Variants in GTF2F2 observed in about 807,000 individuals in gnomAD.
The protein encoded by GTF2F2 is general transcription factor IIF subunit 2.
A neutral mutation model predicts 42.2 loss-of-function variants in GTF2F2; 23 were observed. The ratio of observed to expected loss-of-function variants is 0.55; its 90% confidence interval spans 0.39 to 0.77. GTF2F2 has a LOEUF of 0.77. Ranked by LOEUF, GTF2F2 falls within the 30% of genes least tolerant of loss-of-function variation. The pLI is 0.00. For missense variants in GTF2F2, 261 were observed against 287.2 expected (o/e 0.91, Z 0.66); for synonymous variants, 105 against 100.8 (o/e 1.04, Z -0.25).
At chr13:45,125,046 A>T (rs1170939866) in intron 1 of GTF2F2, among the ~76,000 whole-genome samples, 1 of 152,246 alleles carries the variant, frequency 6.6e-6, no homozygotes, top group Non-Finnish European at 1.5e-5. Context: ...GTTATATACA[A>T]GGGAGAGATG....
chr13:45,283,223 A>G (rs547905155), intron 7 of GTF2F2, among the ~76,000 whole-genome samples: 4 of 151,788 alleles, frequency 2.6e-5, no homozygotes, highest in Non-Finnish European at 4.4e-5. Flanking sequence ...AGGACTTTCA[A>G]CTCCTTTAAT....
At position 45,186,041 on chromosome 13, in the gene GTF2F2, C is replaced by T. The variant is rs571195167; in HGVS notation, c.305-21383C>T. On this transcript the variant is annotated intron_variant, in intron 4 of 7. Coordinates refer to ENST00000340473, the MANE Select transcript of GTF2F2 (RefSeq NM_004128.3). ...CCAGGCTGGAGTGCAGTGGCACGATCTCGGCTCACTGCAACCTCTGCCTCC... is the reference window on the plus strand; with the variant it reads ...CCAGGCTGGAGTGCAGTGGCACGATTTCGGCTCACTGCAACCTCTGCCTCC... Among the ~76,000 whole-genome samples the T allele has an allele frequency of 1.6e-3, 243 of 151,964 alleles. 2 individuals carry two copies. The Middle Eastern group carries it at 0.017, about 11-fold the overall frequency.
chr13:45,270,394 A>T (rs909238766), intron 7 of GTF2F2, among the ~76,000 whole-genome samples: 2 of 152,206 alleles, frequency 1.3e-5, no homozygotes, highest in African/African-American at 4.8e-5. Flanking sequence ...TTTGTTTCTT[A>T]AAATTTTGGA....
At chr13:45,164,745 C>T (rs1871193058) in intron 4 of GTF2F2, among the ~76,000 whole-genome samples, 1 of 152,108 alleles carries the variant, frequency 6.6e-6, no homozygotes, top group Non-Finnish European at 1.5e-5. Context: ...AATAGTAGTT[C>T]CTTCTCCCTC....
rs181253389 is a variant in GTF2F2, at chr13:45,153,332, G to T, written c.304+1501G>T. Among the ~76,000 whole-genome samples the T allele has an allele frequency of 2.2e-3, 329 of 151,904 alleles. 1 individual carries two copies. The highest frequency in any genetic ancestry group is 7.7e-3 in the African/African-American group (318 of 41,448). Reference sequence around the variant, plus strand: ...CGGGCCCGGCCGAATTTTTTTTGTGGTATCTTAGATTACCAATAGCTACAT... The same window carrying T: ...CGGGCCCGGCCGAATTTTTTTTGTGTTATCTTAGATTACCAATAGCTACAT... On this transcript the variant is annotated intron_variant, in intron 4 of 7. Coordinates refer to ENST00000340473, the MANE Select transcript of GTF2F2 (RefSeq NM_004128.3).
chr13:45,250,209 C>G (rs1457595956), intron 5 of GTF2F2, among the ~76,000 whole-genome samples: 1 of 152,024 alleles, frequency 6.6e-6, no homozygotes, highest in Admixed American at 6.6e-5. Flanking sequence ...TATGCACTAC[C>G]ATGCCCAGTT....
chr13:45,259,810 A>G (rs565562594), intron 6 of GTF2F2, among the ~76,000 whole-genome samples: 1 of 152,104 alleles, frequency 6.6e-6, no homozygotes, highest in East Asian at 1.9e-4. Context: ...GGCGCCCGCC[A>G]CCACACCTGG....
chr13:45,196,104 G>A (rs1293764190), intron 4 of GTF2F2, among the ~76,000 whole-genome samples: 1 of 152,024 alleles, frequency 6.6e-6, no homozygotes, highest in Non-Finnish European at 1.5e-5. Flanking sequence ...TAGATTTTCA[G>A]GTATAAAAAA....
At chr13:45,244,518 G>GA (rs1182873978) in intron 5 of GTF2F2, among the ~76,000 whole-genome samples, 1 of 151,776 alleles carries the variant, frequency 6.6e-6, no homozygotes, top group Non-Finnish European at 1.5e-5. Flanking sequence ...TTTTTGATGG[G>GA]AAAAAATATG....
intron 5 of GTF2F2, among the ~76,000 whole-genome samples, chr13:45,220,274 C>G (rs1593498497): frequency 6.6e-6 from 1 of 152,292 alleles, no homozygotes; most frequent in African/African-American, 2.4e-5. Flanking sequence ...TTCATAGCTT[C>G]AGAGTGCCAT....
chr13:45,135,017 A>G (rs1869544093), intron 1 of GTF2F2, among the ~76,000 whole-genome samples: 1 of 150,996 alleles, frequency 6.6e-6, no homozygotes, highest in South Asian at 2.1e-4. Context: ...GCAGTGGTGT[A>G]ATCTCAGCTC....
chr13:45,267,493 T>G (rs1876617395), intron 7 of GTF2F2, 117 bp downstream of exon 7: 1 of 659,416 alleles, frequency 1.5e-6, no homozygotes, highest in Non-Finnish European at 2.4e-6. Flanking sequence ...ACTAATTTTA[T>G]GACAACACTC....
intron 5 of GTF2F2, among the ~76,000 whole-genome samples, chr13:45,241,726 G>C (rs556430342): frequency 6.6e-6 from 1 of 152,070 alleles, no homozygotes; most frequent in Admixed American, 6.5e-5. Context: ...ATATATTACT[G>C]TAAGCCTTAT....
intron 4 of GTF2F2, 21 bp from the exon 5 acceptor site, chr13:45,207,403 C>CT: frequency 6.8e-7 from 1 of 1,463,632 alleles, no homozygotes; most frequent in Non-Finnish European, 9.6e-7. Context: ...ATCTCTGAAT[C>CT]CTTTTTTTTT....
At chr13:45,199,571 G>A (rs1324460805) in intron 4 of GTF2F2, among the ~76,000 whole-genome samples, 1 of 152,014 alleles carries the variant, frequency 6.6e-6, no homozygotes, top group Non-Finnish European at 1.5e-5. Context: ...AAATTCTATT[G>A]TAACCAGATG....
intron 5 of GTF2F2, among the ~76,000 whole-genome samples, chr13:45,218,305 G>A (rs1475394330): frequency 1.3e-5 from 2 of 152,216 alleles, no homozygotes; most frequent in African/African-American, 4.8e-5. Flanking sequence ...GACAGTCACT[G>A]ACTAGCCCAT....
At chr13:45,267,658 T>C (rs1405273974) in intron 7 of GTF2F2, among the ~76,000 whole-genome samples, 1 of 152,196 alleles carries the variant, frequency 6.6e-6, no homozygotes, top group Non-Finnish European at 1.5e-5. Flanking sequence ...TTTCTGGTCT[T>C]TATTTTGTTT....
rs540804102 is a variant in GTF2F2, at chr13:45,128,616, G to A, written c.66+7895G>A. ...TTATTTTATTTTATTTTTTGAGAAAGAGTCTCGCTCTGTCACCCAGGCTGG... is the reference window on the plus strand; with the variant it reads ...TTATTTTATTTTATTTTTTGAGAAAAAGTCTCGCTCTGTCACCCAGGCTGG... On this transcript the variant is annotated intron_variant, in intron 1 of 7. Coordinates refer to ENST00000340473, the MANE Select transcript of GTF2F2 (RefSeq NM_004128.3). Among the ~76,000 whole-genome samples the A allele has an allele frequency of 1.4e-4, 21 of 151,888 alleles. 1 individual carries two copies. The highest frequency in any genetic ancestry group is 4.6e-4 in the African/African-American group (19 of 41,460).
intron 4 of GTF2F2, chr13:45,194,670 G>T: frequency 9.2e-7 from 1 of 1,090,468 alleles, no homozygotes; most frequent in Non-Finnish European, 1.3e-6. Context: ...GCCTGGTGAT[G>T]GAATGGAAAC....
Sources: allele counts gnomAD v4.1 joint callset (sites outside exome capture counted in the v4.1 genomes callset), GRCh38; gene constraint gnomAD v4.1.1; transcripts MANE v1.5; gene names NCBI Gene and HGNC (gene_info 2026-07-23, HGNC 2026-07-21).